LAS1L: variants seen among roughly 807,000 people sequenced by gnomAD.
LAS1L encodes LAS1 like ribosome biogenesis factor, also known as ribosomal biogenesis protein LAS1L.
A neutral mutation model predicts 57.3 loss-of-function variants in LAS1L; 5 were observed. That is an observed-to-expected ratio of 0.09 (90% confidence interval 0.05 to 0.18). The LOEUF is 0.18. Ranked by LOEUF, LAS1L falls within the 10% of genes least tolerant of loss-of-function variation. The pLI, the probability that LAS1L is intolerant of heterozygous loss-of-function variation, is 1.00. For synonymous variants in LAS1L, 245 were observed against 231.7 expected (o/e 1.06, Z -0.52); for missense variants, 360 against 568.3 (o/e 0.63, Z 3.73).
chrX:65,523,036 C>T (rs1602606742), intron 11 of LAS1L: 2 of 112,463 alleles, frequency 1.8e-5, no homozygotes, highest in East Asian at 2.8e-4. Flanking sequence ...CCATAGAACC[C>T]AGGGTGGATA....
At position 65,520,698 on chromosome X, in the gene LAS1L, G is replaced by A. The variant is rs1027368543; in HGVS notation, c.1449-2233C>T. On this transcript the variant is annotated intron_variant, in intron 11 of 13. Coordinates refer to ENST00000374811, the MANE Select transcript of LAS1L (RefSeq NM_031206.7). ...AGGCAGGATCTGTGCACAAGAAATC[G>A]TACCCAAGTGAGCCGCTGTTACTGC... 19 of 752,027 alleles carry A rather than the reference G, an allele frequency of 2.5e-5. No homozygotes were observed. In the African/African-American group the frequency reaches 3.7e-4, roughly 15 times the overall value. 62.0% of individuals were successfully genotyped at this position (752,027 alleles called of 1,213,427 possible). A position where few individuals can be genotyped will look rare whatever the true frequency, so the allele number is the denominator to read the frequency against.
At chrX:65,515,030 G>A in intron 12 of LAS1L, 57 bp from the exon 13 acceptor site, 9 of 1,117,743 alleles carry the variant, frequency 8.1e-6, no homozygotes, top group Non-Finnish European at 1.1e-5. Context: ...TCCGACTGGT[G>A]CACAGGCCTG....
rs1019891110 is a variant in LAS1L at position 65,512,759 on chromosome X, G to A, written c.*16C>T. On this transcript the variant is annotated 3_prime_UTR_variant, in exon 14 of 14. Coordinates refer to ENST00000374811, the MANE Select transcript of LAS1L (RefSeq NM_031206.7). ...CCCTGGCACGGCTGGATGAACACTT[G>A]CACCAGGGATGGCCATCAGAAGAGC... The A allele has an allele frequency of 8.6e-7, 1 of 1,163,641 alleles. No individual in the cohort carries two copies. Among genetic ancestry groups the A allele is most frequent in the African/African-American group, 1.8e-5 (1 of 56,370 alleles).
In LAS1L at chrX:65,524,265, G is replaced by T. The variant is rs778847976; in HGVS notation, c.1094-3C>A. Reference sequence around the variant, plus strand: ...GACGTCATTCAAGTCCACGTTTTCTGGTTTGTAAGGGACACCCATTTGGGG... The same window carrying T: ...GACGTCATTCAAGTCCACGTTTTCTTGTTTGTAAGGGACACCCATTTGGGG... On this transcript the variant is annotated splice_polypyrimidine_tract_variant and splice_region_variant and intron_variant, in intron 9 of 13. Coordinates refer to ENST00000374811, the MANE Select transcript of LAS1L (RefSeq NM_031206.7). 1.7e-6 allele frequency: 2 copies of T among 1,195,334 alleles called. No homozygotes were observed. Among genetic ancestry groups the T allele is most frequent in the Non-Finnish European group, 2.3e-6 (2 of 883,133 alleles).
Position 65,531,564 on chromosome X carries a change from AAAG to A in LAS1L, c.433-129_433-127del. 8.4e-6 allele frequency: 4 copies of A among 475,837 alleles called. No homozygotes were observed. The South Asian group carries it at 1.5e-4, about 17-fold the overall frequency. 39.2% of individuals were successfully genotyped at this position (475,837 alleles called of 1,213,427 possible). Reference sequence around the variant, plus strand: ...TACAACTAGAGAAACTGAGGTCCTGAAAGAAGATTCCAATCACAGTGACAGAGC... The same window carrying A: ...TACAACTAGAGAAACTGAGGTCCTGAAAGATTCCAATCACAGTGACAGAGC... On this transcript the variant is annotated intron_variant, in intron 3 of 13. Transcript: ENST00000374811.
Position 65,534,590 on chromosome X carries a change from C to T in LAS1L, c.126G>A (p.Val42=). Residue 42 remains valine (V), a synonymous_variant, in exon 1 of 14, where the codon GTG becomes GTA. Coordinates refer to ENST00000374811, the MANE Select transcript of LAS1L (RefSeq NM_031206.7). The part of the protein sequence containing the change: ...GSLPLSAHGI[V]VAWLSRAEWD... ...ACTCGGCCCTGCTGAGCCAGGCGACCACGATGCCGTGGGCCGAGAGTGGCA... is the reference window on the plus strand; with the variant it reads ...ACTCGGCCCTGCTGAGCCAGGCGACTACGATGCCGTGGGCCGAGAGTGGCA... The T allele has an allele frequency of 8.3e-7, 1 of 1,206,421 alleles. No individual in the cohort carries two copies. Among genetic ancestry groups the T allele is most frequent in the East Asian group, 3.0e-5 (1 of 33,649 alleles).
chrX:65,528,842 T>A (rs2069316156), intron 6 of LAS1L, among the ~76,000 whole-genome samples: 1 of 112,176 alleles, frequency 8.9e-6, no homozygotes, highest in African/African-American at 3.2e-5. Flanking sequence ...GGTTTCTGAG[T>A]GACCTCCCTA....
At chrX:65,520,614 T>C in intron 11 of LAS1L, 1 of 754,491 alleles carries the variant, frequency 1.3e-6, no homozygotes. Flanking sequence ...GCAAACCCCC[T>C]CTGTTCTCCA....
intron 7 of LAS1L, among the ~76,000 whole-genome samples, chrX:65,525,378 T>C (rs1487331235): frequency 2.7e-5 from 3 of 111,720 alleles, no homozygotes; most frequent in Non-Finnish European, 5.6e-5. Context: ...AAGTTCCACA[T>C]CCACAGAAGG....
At chrX:65,532,670 C>A (rs1284553522) in intron 2 of LAS1L, 40 bp from the exon 3 acceptor site, 1 of 950,548 alleles carries the variant, frequency 1.1e-6, no homozygotes, top group Non-Finnish European at 1.5e-6. Context: ...GCCCAAGGAA[C>A]CATTTTATTC....
intron 11 of LAS1L, chrX:65,523,170 T>C (rs978247661): frequency 8.0e-6 from 1 of 124,982 alleles, no homozygotes; most frequent in Admixed American, 9.1e-5. Context: ...CAACTGAAGG[T>C]TGCTAAGCAA....
intron 12 of LAS1L, among the ~76,000 whole-genome samples, chrX:65,515,951 G>C (rs770990887): frequency 6.3e-5 from 7 of 111,726 alleles, no homozygotes; most frequent in African/African-American, 9.8e-5. Flanking sequence ...CCTCTCTGTC[G>C]TATCACTGAG....
At chrX:65,521,367 T>C in intron 11 of LAS1L, 2 of 606,139 alleles carry the variant, frequency 3.3e-6, no homozygotes, top group Non-Finnish European at 4.0e-6. Flanking sequence ...ACTTGTGTGG[T>C]GTGCTAGGGC....
chrX:65,519,094 G>A (rs1163757321), intron 11 of LAS1L: 11 of 267,480 alleles, frequency 4.1e-5, no homozygotes, highest in South Asian at 1.9e-4. Flanking sequence ...CAGGCACTGC[G>A]GGGCTGAGGG....
chrX:65,532,609 C>T lies in LAS1L; in HGVS notation c.384G>A (p.Glu128=), dbSNP rs1423475744. 4.1e-6 allele frequency: 5 copies of T among 1,205,290 alleles called. No homozygotes were observed. The highest frequency in any genetic ancestry group is 5.6e-6 in the Non-Finnish European group (5 of 890,327). The change falls in exon 3 of 14, where the codon GAG becomes GAA. Residue 128 remains glutamate, a synonymous_variant. Coordinates refer to ENST00000374811, the MANE Select transcript of LAS1L (RefSeq NM_031206.7). ...ALVRFVNLIS[E]RKTKFAKVPL... is the part of the protein sequence containing the mutation. The stretch of plus-strand genomic sequence containing the variant: ...GGACCTTGGCAAACTTTGTCTTCCT[C>T]TCTGAGATAAGATTCACAAACCTGG...
intron 4 of LAS1L, among the ~76,000 whole-genome samples, chrX:65,530,455 G>C (rs2069413762): frequency 9.0e-6 from 1 of 110,685 alleles, no homozygotes; most frequent in Admixed American, 9.6e-5. Context: ...AAGGTGAGCG[G>C]GTCACTTGAG....
At chrX:65,527,204 C>T (rs1161083888) in intron 7 of LAS1L, among the ~76,000 whole-genome samples, 1 of 44,934 alleles carries the variant, frequency 2.2e-5, no homozygotes, top group African/African-American at 1.0e-4. Flanking sequence ...TAGCGAAACT[C>T]TGTCTCAAAA....
rs909160511 is a variant in LAS1L, at chrX:65,525,020, A to G, written c.987T>C (p.Asp329=). ...REAVLDAFLD[D]GFLVPTFEQL... ...GTTCAAATGTGGGGACAAGGAAGCC[A>G]TCATCCAGAAAAGCATCCAGCACAG... Residue 329 remains aspartate, a synonymous_variant, in exon 8 of 14, where the codon GAT becomes GAC. Coordinates refer to ENST00000374811, the MANE Select transcript of LAS1L (RefSeq NM_031206.7). The G allele has an allele frequency of 2.5e-6, 3 of 1,208,490 alleles. No homozygotes were observed. In the African/African-American group the frequency reaches 5.3e-5, roughly 21 times the overall value.
In LAS1L at chrX:65,514,814, G is replaced by T; in HGVS notation, c.2078+9C>A. Reference sequence around the variant, plus strand: ...GGGGGTGAGAAATCCTGTTGCCATGGGCACTCACTCAGTCTTGCATGTTGA... The same window carrying T: ...GGGGGTGAGAAATCCTGTTGCCATGTGCACTCACTCAGTCTTGCATGTTGA... On this transcript the variant is annotated intron_variant, in intron 13 of 13. Transcript: ENST00000374811. 8.6e-7 allele frequency: 1 copy of T among 1,165,823 alleles called. No homozygotes were observed. The highest frequency in any genetic ancestry group is 1.2e-6 in the Non-Finnish European group (1 of 868,352).
Sources: allele counts gnomAD v4.1 joint callset (sites outside exome capture counted in the v4.1 genomes callset), GRCh38; gene constraint gnomAD v4.1.1; transcripts MANE v1.5; gene names NCBI Gene and HGNC (gene_info 2026-07-23, HGNC 2026-07-21).